AGTPBP1: variants seen among roughly 807,000 people sequenced by gnomAD.
AGTPBP1 encodes ATP/GTP binding carboxypeptidase 1.
Under a neutral mutation model 143.9 loss-of-function variants are expected in AGTPBP1, and 70 were observed. That is an observed-to-expected ratio of 0.49 (90% CI 0.40 to 0.59). The LOEUF is 0.59. Ranked by LOEUF, AGTPBP1 falls within the 20% of genes least tolerant of loss-of-function variation. The pLI, the probability that AGTPBP1 is intolerant of heterozygous loss-of-function variation, is 0.00. For missense variants in AGTPBP1, 1,229 were observed against 1,464.5 expected, an observed-to-expected ratio of 0.84 and a Z score of 2.62; for synonymous variants, 463 against 500.2, an observed-to-expected ratio of 0.93 and a Z score of 0.99.
intron 17 of AGTPBP1, among the ~76,000 whole-genome samples, chr9:85,611,108 A>G (rs1031523655): frequency 1.3e-5 from 2 of 151,190 alleles, no homozygotes; most frequent in African/African-American, 2.4e-5. Flanking sequence ...GAAAAATCCA[A>G]TGCAGAATAT....
chr9:85,609,756 A>G (rs1376713594), intron 17 of AGTPBP1, among the ~76,000 whole-genome samples: 2 of 152,206 alleles, frequency 1.3e-5, no homozygotes, highest in Non-Finnish European at 2.9e-5. Context: ...CATTAATGGT[A>G]TCCCACTGGC....
At chr9:85,567,852 A>G (rs1018720861) in intron 25 of AGTPBP1, among the ~76,000 whole-genome samples, 3 of 152,372 alleles carry the variant, frequency 2.0e-5, no homozygotes, top group African/African-American at 7.2e-5. Flanking sequence ...AAAGGGAATG[A>G]TAAAGAAGCA....
chr9:85,751,913 C>T, the AGTPBP1 span, among the ~76,000 whole-genome samples: 1 of 151,316 alleles, frequency 6.6e-6, no homozygotes, highest in African/African-American at 2.4e-5. Context: ...GCCAACATCG[C>T]ACCTCTTGAC....
chr9:85,752,505 C>T, the AGTPBP1 span, among the ~76,000 whole-genome samples: 2 of 152,228 alleles, frequency 1.3e-5, no homozygotes, highest in South Asian at 4.1e-4. Flanking sequence ...ATCCTTGTTA[C>T]GCTAATGTGT....
chr9:85,604,055 G>A (rs924476230), intron 17 of AGTPBP1, among the ~76,000 whole-genome samples: 3 of 152,202 alleles, frequency 2.0e-5, no homozygotes. Context: ...TGGGCTGAGG[G>A]AAGTTCATTG....
intron 8 of AGTPBP1, among the ~76,000 whole-genome samples, chr9:85,661,395 T>C (rs1260400062): frequency 6.6e-6 from 1 of 152,110 alleles, no homozygotes; most frequent in Non-Finnish European, 1.5e-5. Flanking sequence ...CAAAATTCTA[T>C]AGATATTGTC....
chr9:85,739,825 C>T (rs1824114533), intron 1 of AGTPBP1, among the ~76,000 whole-genome samples: 1 of 151,482 alleles, frequency 6.6e-6, no homozygotes, highest in Admixed American at 6.6e-5. Context: ...ACCAGCCTGG[C>T]CAACATGGTG....
chr9:85,561,833 A>ATTTTTT (rs763799341), intron 25 of AGTPBP1, among the ~76,000 whole-genome samples: 2 of 139,970 alleles, frequency 1.4e-5, no homozygotes, highest in African/African-American at 5.3e-5. Context: ...TAAAAGTACA[A>ATTTTTT]TTTTTTTTTT....
At chr9:85,697,487 C>G (rs1462662849) in intron 2 of AGTPBP1, among the ~76,000 whole-genome samples, 1 of 103,126 alleles carries the variant, frequency 9.7e-6, no homozygotes, top group Non-Finnish European at 1.7e-5. Context: ...GAGTCTTGCT[C>G]TGTCGCCCAG....
Position 85,592,705 on chromosome 9 carries a change from C to G in AGTPBP1, c.2424-1G>C. On this transcript the variant is annotated splice_acceptor_variant, in intron 18 of 25. Transcript: ENST00000357081. LOFTEE classifies it high-confidence loss of function. ...AACTGAACTTCTTGAGAAATGATTT[C>G]TGCAATAAAAACGCATAAAACATGT... The G allele has an allele frequency of 6.2e-7, 1 of 1,609,584 alleles. No homozygotes were observed. Among genetic ancestry groups the G allele is most frequent in the Non-Finnish European group, 8.5e-7 (1 of 1,178,388 alleles).
chr9:85,710,982 G>A (rs558915260), intron 2 of AGTPBP1, among the ~76,000 whole-genome samples: 26 of 152,088 alleles, frequency 1.7e-4, no homozygotes, highest in Admixed American at 1.2e-3. Flanking sequence ...TTGGTATGAT[G>A]TATTACATGT....
chr9:85,652,579 G>C (rs1430321744), intron 11 of AGTPBP1, among the ~76,000 whole-genome samples: 1 of 152,126 alleles, frequency 6.6e-6, no homozygotes, highest in East Asian at 1.9e-4. Context: ...TGCTGGGAGG[G>C]TGGCATACCT....
intron 1 of AGTPBP1, among the ~76,000 whole-genome samples, chr9:85,734,861 G>A (rs1369975925): frequency 2.6e-5 from 4 of 151,860 alleles, no homozygotes; most frequent in South Asian, 2.1e-4. Context: ...GTAGAACCCC[G>A]TCTCTACTAA....
upstream of AGTPBP1, chr9:85,741,966 G>C (rs952710500): frequency 8.0e-6 from 10 of 1,247,742 alleles, no homozygotes; most frequent in Admixed American, 3.9e-4. Flanking sequence ...TCCGCATCCC[G>C]GGCAACGTCA....
chr9:85,754,601 T>G, the AGTPBP1 span, among the ~76,000 whole-genome samples: 1 of 152,144 alleles, frequency 6.6e-6, no homozygotes, highest in Non-Finnish European at 1.5e-5. Flanking sequence ...AAAGTCATAA[T>G]CCACAAACTA....
chr9:85,556,785 C>A (rs1007734279), intron 25 of AGTPBP1, among the ~76,000 whole-genome samples: 1 of 152,136 alleles, frequency 6.6e-6, no homozygotes, highest in Non-Finnish European at 1.5e-5. Flanking sequence ...AAGTTCTACA[C>A]ATCTACTATA....
At position 85,631,285 on chromosome 9, in the gene AGTPBP1, T is replaced by C. The variant is rs547312976; in HGVS notation, c.2015+1377A>G. Among the ~76,000 whole-genome samples, 8 of 152,352 alleles carry C rather than the reference T, an allele frequency of 5.3e-5. No homozygotes were observed. In the South Asian group the frequency reaches 1.7e-3, roughly 32 times the overall value. ...ATGCTACACTAAATAGGGCCACTTC[T>C]GTTCCCACCTCCTGGTTCCCAGGCT... On this transcript the variant is annotated intron_variant, in intron 14 of 25. Coordinates refer to ENST00000357081, the MANE Select transcript of AGTPBP1 (RefSeq NM_001330701.2).
At chr9:85,752,560 T>A in the AGTPBP1 span, among the ~76,000 whole-genome samples, 1 of 152,178 alleles carries the variant, frequency 6.6e-6, no homozygotes, top group Admixed American at 6.5e-5. Context: ...TGTTAGTAAA[T>A]CCTAATTTTT....
chr9:85,756,416 G>A, the AGTPBP1 span, among the ~76,000 whole-genome samples: 2 of 129,298 alleles, frequency 1.5e-5, no homozygotes, highest in Non-Finnish European at 3.1e-5. Flanking sequence ...AATCGCTTTG[G>A]ATAACCATCT....
Sources: allele counts gnomAD v4.1 joint callset (sites outside exome capture counted in the v4.1 genomes callset), GRCh38; gene constraint gnomAD v4.1.1; transcripts MANE v1.5; gene names NCBI Gene and HGNC (gene_info 2026-07-23, HGNC 2026-07-21).